SCLT1: variants seen among roughly 807,000 people sequenced by gnomAD.
The protein encoded by SCLT1 is sodium channel and clathrin linker 1, also known as sodium channel-associated protein 1.
In SCLT1, 78 loss-of-function variants were observed where a neutral mutation model predicts 112.8. That is an observed-to-expected ratio of 0.69 (90% CI 0.58 to 0.83). SCLT1 has a LOEUF of 0.83. Among genes scored for constraint, SCLT1 ranks in the 40% least tolerant of loss-of-function variants. The pLI, the probability that SCLT1 is intolerant of heterozygous loss-of-function variation, is 0.00. For synonymous variants in SCLT1, 257 were observed against 254.7 expected, an observed-to-expected ratio of 1.01 and a Z score of -0.09; for missense variants, 747 against 770.4, an observed-to-expected ratio of 0.97 and a Z score of 0.36.
intron 5 of SCLT1, among the ~76,000 whole-genome samples, chr4:129,022,240 C>G (rs1745553713): frequency 6.6e-6 from 1 of 152,112 alleles, no homozygotes; most frequent in South Asian, 2.1e-4. Flanking sequence ...CTCTTCTGCT[C>G]CAAATGATTG....
chr4:129,028,214 G>A lies in SCLT1; in HGVS notation c.290+10827C>T, dbSNP rs547276915. Among the ~76,000 whole-genome samples, 571 of 148,816 alleles carry A rather than the reference G, an allele frequency of 3.8e-3. 1 individual carries two copies. Among genetic ancestry groups the A allele is most frequent in the African/African-American group, 0.012 (469 of 40,674 alleles). ...ATGGAACCAAAAAAGAGCCCGCATC[G>A]CCAAGTCAATCCTAAGCCAAAAGAA... is the stretch of plus-strand genomic sequence containing the variant. On this transcript the variant is annotated intron_variant, in intron 5 of 20. Transcript: ENST00000281142.
intron 3 of SCLT1, 148 bp downstream of exon 3, chr4:129,043,845 T>C: frequency 1.7e-6 from 1 of 589,492 alleles, no homozygotes; most frequent in Non-Finnish European, 3.0e-6. Flanking sequence ...TTGTAGACTC[T>C]GTAATACTTG....
intron 18 of SCLT1, among the ~76,000 whole-genome samples, chr4:128,906,735 T>C (rs956036174): frequency 6.6e-6 from 1 of 152,206 alleles, no homozygotes; most frequent in Non-Finnish European, 1.5e-5. Flanking sequence ...ACTCATTTAA[T>C]AAATACTGAA....
At chr4:129,063,311 C>G (rs982248419) in intron 2 of SCLT1, among the ~76,000 whole-genome samples, 3 of 152,244 alleles carry the variant, frequency 2.0e-5, no homozygotes, top group South Asian at 2.1e-4. Flanking sequence ...AACAGCTTCA[C>G]CAAGCTTCTC....
chr4:128,995,749 C>T (rs1742961730), intron 8 of SCLT1, among the ~76,000 whole-genome samples: 1 of 152,056 alleles, frequency 6.6e-6, no homozygotes, highest in Non-Finnish European at 1.5e-5. Flanking sequence ...TCTGTTCTTC[C>T]CTAGGTGTCT....
At chr4:128,967,273 C>T (rs6820637) in intron 10 of SCLT1, among the ~76,000 whole-genome samples, 112,872 of 152,132 alleles carry the variant, frequency 0.74, 43,039 homozygotes, top group African/African-American at 0.93. Context: ...GGCATCTAGG[C>T]TGATCCTATC....
chr4:129,054,767 T>C (rs896775805), intron 2 of SCLT1, among the ~76,000 whole-genome samples: 2 of 152,170 alleles, frequency 1.3e-5, no homozygotes, highest in African/African-American at 2.4e-5. Context: ...GTCAGATTCA[T>C]ACTCTGTCCA....
Position 129,047,500 on chromosome 4 carries a change from T to C in SCLT1, c.103-3449A>G, listed in dbSNP as rs185258712. On this transcript the variant is annotated intron_variant, in intron 2 of 20. Coordinates refer to ENST00000281142, the MANE Select transcript of SCLT1 (RefSeq NM_144643.4). ...TGCAAGATTGTCTTAGCTCTTCTTG[T>C]CCCTTTTCATATAAATTTTGAAAAC... Among the ~76,000 whole-genome samples, 350 of 152,210 alleles carry C rather than the reference T, an allele frequency of 2.3e-3. 1 individual carries two copies. The highest frequency in any genetic ancestry group is 6.8e-3 in the Middle Eastern group (2 of 294).
chr4:128,897,900 A>C (rs1324781255), intron 18 of SCLT1, among the ~76,000 whole-genome samples: 17 of 152,072 alleles, frequency 1.1e-4, no homozygotes, highest in East Asian at 7.7e-4. Flanking sequence ...AGACTTTAAA[A>C]CAACAAAGAT....
At chr4:129,016,314 GCTTTCCT>G (rs1302911053) in intron 5 of SCLT1, among the ~76,000 whole-genome samples, 1 of 146,310 alleles carries the variant, frequency 6.8e-6, no homozygotes, top group East Asian at 2.0e-4. Context: ...TTATCCTGAT[GCTTTCCT>G]CCCCCATCCC....
At position 128,884,058 on chromosome 4, in the gene SCLT1, A is replaced by C. The variant is rs1732719704; in HGVS notation, c.*419T>G. 6.5e-6 allele frequency: 1 copy of C among 154,202 alleles called. No homozygotes were observed. The highest frequency in any genetic ancestry group is 2.4e-5 in the African/African-American group (1 of 41,528). The allele number at this position is 154,202 out of a possible 1,614,324, so 9.6% of individuals were successfully genotyped here. On this transcript the variant is annotated 3_prime_UTR_variant, in exon 21 of 21. Transcript: ENST00000281142. The stretch of plus-strand genomic sequence containing the variant: ...ATAAAATGGATACTTAGGAACTTTA[A>C]AAATGAGTTAGAAGTAACAATTAGA...
Position 128,957,601 on chromosome 4 carries a change from C to T in SCLT1, c.1048-477G>A, listed in dbSNP as rs145395593. Among the ~76,000 whole-genome samples the T allele has an allele frequency of 8.1e-4, 124 of 152,178 alleles. 2 individuals are homozygous for T. Among genetic ancestry groups the T allele is most frequent in the African/African-American group, 2.9e-3 (121 of 41,516 alleles). ...TTTCTATAATTCCAATCATTTCCATCCTCCACCAAATAAATATTGCCATAA... is the reference window on the plus strand; with the variant it reads ...TTTCTATAATTCCAATCATTTCCATTCTCCACCAAATAAATATTGCCATAA... On this transcript the variant is annotated intron_variant, in intron 12 of 20. Coordinates refer to ENST00000281142, the MANE Select transcript of SCLT1 (RefSeq NM_144643.4).
intron 9 of SCLT1, among the ~76,000 whole-genome samples, chr4:128,980,688 A>G (rs1741568358): frequency 6.6e-6 from 1 of 152,220 alleles, no homozygotes; most frequent in South Asian, 2.1e-4. Flanking sequence ...AACAGATTTA[A>G]AAGTCAATAC....
chr4:128,885,709 A>C (rs535959503), intron 20 of SCLT1, among the ~76,000 whole-genome samples: 4 of 152,200 alleles, frequency 2.6e-5, no homozygotes, highest in African/African-American at 7.2e-5. Flanking sequence ...ATACATTTAC[A>C]GTTTTTGAAA....
rs145660959 is a variant in SCLT1, at chr4:129,046,051, A to T, written c.103-2000T>A. On this transcript the variant is annotated intron_variant, in intron 2 of 20. Coordinates refer to ENST00000281142, the MANE Select transcript of SCLT1 (RefSeq NM_144643.4). ...AAGGAAGATAATCAATACTGTTTTT[A>T]TTCAAGTACTACACACATACAGAAG... 5.3e-5 allele frequency among the ~76,000 whole-genome samples: 8 copies of T among 152,286 alleles called. No homozygotes were observed. The South Asian group carries it at 1.7e-3, about 32-fold the overall frequency.
chr4:129,026,728 C>T (rs1424505777), intron 5 of SCLT1, among the ~76,000 whole-genome samples: 2 of 151,994 alleles, frequency 1.3e-5, no homozygotes, highest in African/African-American at 2.4e-5. Flanking sequence ...AACAGAGACA[C>T]AAAAAACCCT....
At chr4:129,020,010 A>C (rs1266456553) in intron 5 of SCLT1, among the ~76,000 whole-genome samples, 1 of 152,190 alleles carries the variant, frequency 6.6e-6, no homozygotes, top group African/African-American at 2.4e-5. Flanking sequence ...CAATTCCTTA[A>C]GCAGAGAATA....
At chr4:128,918,414 A>G (rs759647832) in intron 18 of SCLT1, among the ~76,000 whole-genome samples, 8 of 152,226 alleles carry the variant, frequency 5.3e-5, no homozygotes, top group Non-Finnish European at 1.0e-4. Flanking sequence ...TTAACAGTGC[A>G]ATCAACCAAC....
chr4:128,945,593 G>A (rs913647881), intron 16 of SCLT1, among the ~76,000 whole-genome samples: 2 of 151,916 alleles, frequency 1.3e-5, no homozygotes, highest in Non-Finnish European at 2.9e-5. Flanking sequence ...AAATAAAATG[G>A]TATGTCAAAT....
Sources: gnomAD v4.1 joint callset for allele counts (sites outside exome capture counted in the v4.1 genomes callset) on GRCh38, gnomAD v4.1.1 for gene constraint, MANE v1.5 for transcripts, NCBI Gene and HGNC (gene_info 2026-07-23, HGNC 2026-07-21) for gene names.